Variants in ARID4B observed in about 807,000 individuals in gnomAD.
ARID4B encodes AT-rich interactive domain-containing protein 4B.
ARID4B carries 26 observed loss-of-function variants against 147.5 expected under a neutral mutation model. That is an observed-to-expected ratio of 0.18 (90% CI 0.13 to 0.24). ARID4B has a LOEUF of 0.24. Among genes scored for constraint, ARID4B ranks in the 10% least tolerant of loss-of-function variants. The probability of loss-of-function intolerance (pLI) is 1.00; values close to 1 mark genes in which losing one functional copy is unlikely to be tolerated. For synonymous variants in ARID4B, 512 were observed against 507.9 expected (o/e 1.01, Z -0.11); for missense variants, 1,179 against 1,511.5 (o/e 0.78, Z 3.65).
chr1:235,238,859 GA>G (rs1297264415), intron 8 of ARID4B, among the ~76,000 whole-genome samples: 314 of 130,872 alleles, frequency 2.4e-3, no homozygotes, highest in African/African-American at 5.6e-3. Context: ...TGTCTCCGGG[GA>G]AAAAAAAAAA....
chr1:235,237,967 A>G (rs904863217), intron 8 of ARID4B, among the ~76,000 whole-genome samples: 1 of 152,044 alleles, frequency 6.6e-6, no homozygotes, highest in Admixed American at 6.6e-5. Context: ...CCTGACCGAC[A>G]TGGAGAAACG....
At chr1:235,185,450 G>A (rs1318297742) in intron 19 of ARID4B, among the ~76,000 whole-genome samples, 1 of 152,076 alleles carries the variant, frequency 6.6e-6, no homozygotes, top group East Asian at 1.9e-4. Context: ...ACCCTAGAGA[G>A]CTATTTTCTG....
chr1:235,272,427 A>G (rs1480563981), intron 2 of ARID4B, among the ~76,000 whole-genome samples: 1 of 152,210 alleles, frequency 6.6e-6, no homozygotes, highest in Admixed American at 6.5e-5. Context: ...TAACACAAAA[A>G]AGATTAGACA....
chr1:235,227,557 C>T (rs968129166), intron 11 of ARID4B, among the ~76,000 whole-genome samples: 2 of 152,136 alleles, frequency 1.3e-5, no homozygotes, highest in Non-Finnish European at 2.9e-5. Flanking sequence ...TTACTAAACA[C>T]ATTAAATACA....
chr1:235,188,617 T>C (rs1209935110), intron 19 of ARID4B, among the ~76,000 whole-genome samples: 1 of 152,070 alleles, frequency 6.6e-6, no homozygotes, highest in African/African-American at 2.4e-5. Flanking sequence ...TTCATGAACA[T>C]ATCTAACCAC....
At chr1:235,296,844 A>AGGGAGGAAGGGAGAGAAAGAGGGAG (rs1553313980) in intron 2 of ARID4B, among the ~76,000 whole-genome samples, 1 of 16,822 alleles carries the variant, frequency 5.9e-5, no homozygotes, top group African/African-American at 3.0e-4. Context: ...GAAGGGAGGA[A>AGGGAGGAAGGGAGAGAAAGAGGGAG]GGAGGGAGGG....
chr1:235,201,268 C>T lies in ARID4B; in HGVS notation c.1842-5153G>A, dbSNP rs540566921. Among the ~76,000 whole-genome samples the T allele has an allele frequency of 1.1e-3, 172 of 152,186 alleles. 2 individuals are homozygous for T. Among genetic ancestry groups the T allele is most frequent in the African/African-American group, 4.1e-3 (169 of 41,532 alleles). On this transcript the variant is annotated intron_variant, in intron 17 of 23. Transcript: ENST00000264183. ...TATTTCTCAATTTCTCCTTGGGGTA[C>T]CACGTCAAGTAAGATATCTATTCAT...
At chr1:235,299,761 G>C (rs749404718) in intron 2 of ARID4B, among the ~76,000 whole-genome samples, 8 of 152,188 alleles carry the variant, frequency 5.3e-5, no homozygotes, top group Admixed American at 1.3e-4. Flanking sequence ...CTATGCCAGA[G>C]TTTGAACTCA....
At chr1:235,300,834 C>T (rs1166700915) in intron 2 of ARID4B, among the ~76,000 whole-genome samples, 1 of 151,846 alleles carries the variant, frequency 6.6e-6, no homozygotes, top group South Asian at 2.1e-4. Context: ...CTCAGCCTCC[C>T]GAGTAGCTGG....
At chr1:235,242,922 A>G (rs2103076444) in intron 7 of ARID4B, among the ~76,000 whole-genome samples, 1 of 151,852 alleles carries the variant, frequency 6.6e-6, no homozygotes, top group South Asian at 2.1e-4. Context: ...ACCTCTTTTC[A>G]TTTTGCTCTT....
chr1:235,227,937 A>G (rs1282694487), intron 11 of ARID4B, among the ~76,000 whole-genome samples: 1 of 151,214 alleles, frequency 6.6e-6, no homozygotes, highest in Non-Finnish European at 1.5e-5. Flanking sequence ...GGTTCAAGCA[A>G]TTCTACTGCC....
intron 10 of ARID4B, among the ~76,000 whole-genome samples, chr1:235,229,670 A>G (rs1668075165): frequency 1.3e-5 from 2 of 152,254 alleles, no homozygotes; most frequent in African/African-American, 4.8e-5. Flanking sequence ...TCTTTTAAAC[A>G]AAGATTAAGC....
intron 13 of ARID4B, 76 bp from the exon 14 acceptor site, chr1:235,221,738 T>G: frequency 1.5e-6 from 1 of 646,850 alleles, no homozygotes; most frequent in South Asian, 2.6e-5. Context: ...ACACAGTATA[T>G]ATGAGTATAT....
chr1:235,216,310 TACACAC>T (rs71576467), intron 16 of ARID4B, among the ~76,000 whole-genome samples: 6 of 149,310 alleles, frequency 4.0e-5, no homozygotes, highest in Non-Finnish European at 6.0e-5. Context: ...TATATATGTA[TACACAC>T]ACACACACAC....
chr1:235,249,822 C>A (rs1036655669), intron 6 of ARID4B, among the ~76,000 whole-genome samples: 2 of 151,874 alleles, frequency 1.3e-5, no homozygotes, highest in African/African-American at 4.8e-5. Context: ...CGACTGTAGT[C>A]CCAGCTACTC....
At chr1:235,200,264 G>T (rs898613846) in intron 17 of ARID4B, among the ~76,000 whole-genome samples, 11 of 152,180 alleles carry the variant, frequency 7.2e-5, no homozygotes, top group African/African-American at 2.7e-4. Context: ...TTCGAGACCA[G>T]CCTGGCCAAC....
chr1:235,281,043 A>G (rs1389769675), intron 2 of ARID4B, among the ~76,000 whole-genome samples: 1 of 152,208 alleles, frequency 6.6e-6, no homozygotes, highest in South Asian at 2.1e-4. Flanking sequence ...TGTGAGTCCT[A>G]AGTAAACACT....
In ARID4B at chr1:235,196,722, G is replaced by T. The variant is rs190946353; in HGVS notation, c.1842-607C>A. Among the ~76,000 whole-genome samples, 675 of 152,042 alleles carry T rather than the reference G, an allele frequency of 4.4e-3. 2 individuals are homozygous for T. Among genetic ancestry groups the T allele is most frequent in the Non-Finnish European group, 7.5e-3 (509 of 67,974 alleles). On this transcript the variant is annotated intron_variant, in intron 17 of 23. Coordinates refer to ENST00000264183, the MANE Select transcript of ARID4B (RefSeq NM_016374.6). The stretch of plus-strand genomic sequence containing the variant: ...CAAAAAATTAGCCAGACGTGGTGGT[G>T]GGGGCCTGTAGCCCCAGCTACTCAG...
intron 8 of ARID4B, among the ~76,000 whole-genome samples, chr1:235,237,824 A>G (rs1668705527): frequency 6.6e-6 from 1 of 152,234 alleles, no homozygotes. Context: ...ATAAAGAGTT[A>G]GCAGATTCTC....
Sources: gnomAD v4.1 joint callset for allele counts (sites outside exome capture counted in the v4.1 genomes callset) on GRCh38, gnomAD v4.1.1 for gene constraint, MANE v1.5 for transcripts, NCBI Gene and HGNC (gene_info 2026-07-23, HGNC 2026-07-21) for gene names.